LGSN: variants seen among roughly 807,000 people sequenced by gnomAD.
LGSN encodes lengsin, lens protein with glutamine synthetase domain, also known as lengsin.
A neutral mutation model predicts 19.5 loss-of-function variants in LGSN; 21 were observed. The ratio of observed to expected loss-of-function variants is 1.07; its 90% confidence interval spans 0.76 to 1.55. LGSN has a LOEUF of 1.55. Among genes scored for constraint, LGSN ranks in the 40% most tolerant of loss-of-function variants. The pLI, the probability that LGSN is intolerant of heterozygous loss-of-function variation, is 0.00. For synonymous variants in LGSN, 257 were observed against 215.6 expected, an observed-to-expected ratio of 1.19 and a Z score of -1.68; for missense variants, 673 against 608.5, an observed-to-expected ratio of 1.11 and a Z score of -1.12.
chr6:63,329,446 TC>T, the LGSN span, among the ~76,000 whole-genome samples: 2 of 152,234 alleles, frequency 1.3e-5, no homozygotes, highest in African/African-American at 4.8e-5. Flanking sequence ...CTTGCACTAG[TC>T]TCCACTGACC....
the LGSN span, among the ~76,000 whole-genome samples, chr6:63,476,767 G>A: frequency 6.6e-6 from 1 of 152,188 alleles, no homozygotes; most frequent in Admixed American, 6.5e-5. Flanking sequence ...AGTGATATTG[G>A]CACTGAACTT....
At chr6:63,544,437 C>T in the LGSN span, among the ~76,000 whole-genome samples, 1 of 152,094 alleles carries the variant, frequency 6.6e-6, no homozygotes, top group African/African-American at 2.4e-5. Flanking sequence ...AATATATATT[C>T]TCTTACATAA....
the LGSN span, among the ~76,000 whole-genome samples, chr6:63,421,391 C>T: frequency 6.6e-6 from 1 of 150,702 alleles, no homozygotes; most frequent in Admixed American, 6.7e-5. Flanking sequence ...TGCCACTGCA[C>T]TCCAGCCTGG....
the LGSN span, among the ~76,000 whole-genome samples, chr6:63,374,039 A>T: frequency 6.6e-6 from 1 of 152,162 alleles, no homozygotes; most frequent in African/African-American, 2.4e-5. Context: ...TAATGGACTA[A>T]TTTTGATGTC....
chr6:63,396,364 T>A, the LGSN span: 1 of 241,846 alleles, frequency 4.1e-6, no homozygotes, highest in Non-Finnish European at 8.5e-6. Context: ...GCTCCAACAC[T>A]CAGACTGTCC....
the LGSN span, among the ~76,000 whole-genome samples, chr6:63,412,431 A>C: frequency 1.4e-5 from 2 of 139,012 alleles, no homozygotes; most frequent in South Asian, 4.4e-4. Flanking sequence ...AGAAAGAAAG[A>C]AAGAAAGAAA....
the LGSN span, among the ~76,000 whole-genome samples, chr6:63,406,595 C>T: frequency 6.6e-6 from 1 of 150,866 alleles, no homozygotes; most frequent in Non-Finnish European, 1.5e-5. Flanking sequence ...AAAATTGACA[C>T]CCTAACATCA....
In LGSN at chr6:63,285,609, G is replaced by A; in HGVS notation, c.308C>T (p.Thr103Ile). The A allele has an allele frequency of 6.2e-7, 1 of 1,614,054 alleles. No individual in the cohort carries two copies. Among genetic ancestry groups the A allele is most frequent in the East Asian group, 2.2e-5 (1 of 44,872 alleles). ...CACTTGAAAAAAGTGTGCAGGGATA[G>A]TCTTAGACCTGGACACGCCGTGGAG... ...TDLHGVSRSK[T>I]IPAHFFQEKV... Residue 103 changes from threonine (T) to isoleucine (I), a missense_variant, in exon 3 of 4, where the codon ACT (threonine) becomes ATT (isoleucine). Coordinates refer to ENST00000370657, the MANE Select transcript of LGSN (RefSeq NM_016571.3).
the LGSN span, among the ~76,000 whole-genome samples, chr6:63,464,876 A>G: frequency 1.3e-5 from 2 of 151,862 alleles, no homozygotes; most frequent in African/African-American, 4.8e-5. Flanking sequence ...ACAACAAAAA[A>G]GTAGCTAGGC....
the LGSN span, among the ~76,000 whole-genome samples, chr6:63,470,325 T>G: frequency 1.3e-5 from 2 of 151,678 alleles, no homozygotes; most frequent in African/African-American, 4.8e-5. Flanking sequence ...TATACAAAAA[T>G]TAGCTTGGCA....
chr6:63,350,699 A>G, the LGSN span, among the ~76,000 whole-genome samples: 2 of 152,198 alleles, frequency 1.3e-5, no homozygotes, highest in East Asian at 3.8e-4. Flanking sequence ...TAAAAATACA[A>G]AAATTAGCTG....
the LGSN span, among the ~76,000 whole-genome samples, chr6:63,495,271 T>G: frequency 6.6e-6 from 1 of 151,962 alleles, no homozygotes; most frequent in East Asian, 1.9e-4. Context: ...CAAAAAAGTA[T>G]TATTTTTTCC....
the LGSN span, among the ~76,000 whole-genome samples, chr6:63,509,375 T>C: frequency 9.1e-6 from 1 of 110,088 alleles, no homozygotes; most frequent in African/African-American, 5.1e-5. Context: ...AAAAATACTA[T>C]TTTTTAAGGA....
upstream of LGSN, among the ~76,000 whole-genome samples, chr6:63,322,193 C>T (rs1562023877): frequency 6.6e-6 from 1 of 152,164 alleles, no homozygotes; most frequent in Non-Finnish European, 1.5e-5. Flanking sequence ...TATTCTTTCA[C>T]TGTGGGAGAA....
the LGSN span, among the ~76,000 whole-genome samples, chr6:63,429,382 G>C: frequency 1.3e-5 from 2 of 152,072 alleles, no homozygotes; most frequent in Non-Finnish European, 2.9e-5. Context: ...AAAGAACTAT[G>C]CTATATTATA....
the LGSN span, among the ~76,000 whole-genome samples, chr6:63,561,358 TGTCA>T: frequency 6.6e-5 from 10 of 152,178 alleles, no homozygotes; most frequent in Non-Finnish European, 1.3e-4. Flanking sequence ...ACTCAATAAA[TGTCA>T]GTCAATGTTA....
chr6:63,362,784 A>G, the LGSN span, among the ~76,000 whole-genome samples: 1 of 152,334 alleles, frequency 6.6e-6, no homozygotes, highest in African/African-American at 2.4e-5. Flanking sequence ...GGCATAGCTG[A>G]ACAAAAGGCA....
At chr6:63,489,536 A>G in the LGSN span, among the ~76,000 whole-genome samples, 1 of 151,948 alleles carries the variant, frequency 6.6e-6, no homozygotes, top group Admixed American at 6.6e-5. Context: ...TACCTGGCTA[A>G]TTTTTGTATT....
At chr6:63,311,905 C>T (rs1768642983) in intron 1 of LGSN, among the ~76,000 whole-genome samples, 1 of 152,164 alleles carries the variant, frequency 6.6e-6, no homozygotes, top group South Asian at 2.1e-4. Flanking sequence ...CTTCACCACC[C>T]ACCCTCTGTT....
Sources: allele counts gnomAD v4.1 joint callset (sites outside exome capture counted in the v4.1 genomes callset), GRCh38; gene constraint gnomAD v4.1.1; transcripts MANE v1.5; gene names NCBI Gene and HGNC (gene_info 2026-07-23, HGNC 2026-07-21).